Variants in ZNF596 observed in about 807,000 individuals in gnomAD.
ZNF596 encodes zinc finger protein 596.
A neutral mutation model predicts 48.3 loss-of-function variants in ZNF596; 45 were observed. That is an observed-to-expected ratio of 0.93 (90% CI 0.73 to 1.19). The LOEUF (loss-of-function observed/expected upper bound fraction) is 1.19. ZNF596 is among the 50% of genes most tolerant of loss of function. The pLI, the probability that ZNF596 is intolerant of heterozygous loss-of-function variation, is 0.00. For missense variants in ZNF596, 848 were observed against 599.7 expected, an observed-to-expected ratio of 1.41 and a Z score of -4.32; for synonymous variants, 270 against 202.0, an observed-to-expected ratio of 1.34 and a Z score of -2.85.
intron 5 of ZNF596, 146 bp downstream of exon 5, chr8:244,847 AATCAAAACC>A (rs1364948212): frequency 4.2e-6 from 3 of 721,302 alleles, no homozygotes; most frequent in Non-Finnish European, 6.9e-6. Flanking sequence ...GTTAACTTCA[AATCAAAACC>A]ATAATATGAG....
chr8:244,765 A>G, intron 5 of ZNF596, 64 bp downstream of exon 5: 1 of 1,370,078 alleles, frequency 7.3e-7, no homozygotes, highest in Non-Finnish European at 1.0e-6. Context: ...ACAACTTTGG[A>G]ATTTGGTACA....
At chr8:234,113 G>T (rs570904740) in intron 1 of ZNF596, among the ~76,000 whole-genome samples, 1 of 152,206 alleles carries the variant, frequency 6.6e-6, no homozygotes, top group Non-Finnish European at 1.5e-5. Flanking sequence ...CTTGGGATTT[G>T]GGTATTCAGG....
chr8:245,920 A>T lies in ZNF596; in HGVS notation c.1073A>T (p.Asn358Ile). ...SHLRQHERSH[N>I]GEKPHGCHLC... ...CTTAGACAACATGAGCGAAGTCACA[A>T]TGGAGAGAAACCACATGGATGTCAT... Residue 358 changes from asparagine (N) to isoleucine (I), a missense_variant, in exon 6 of 6, where the codon AAT becomes ATT. Transcript: ENST00000398612. 6.2e-7 allele frequency: 1 copy of T among 1,609,750 alleles called. No individual in the cohort carries two copies. The highest frequency in any genetic ancestry group is 8.5e-7 in the Non-Finnish European group (1 of 1,178,594).
At chr8:244,105 G>C (rs1249558035) in intron 4 of ZNF596, 2 of 220,840 alleles carry the variant, frequency 9.1e-6, no homozygotes, top group East Asian at 2.8e-4. Flanking sequence ...GGCCAGGCTG[G>C]TCTTGAACTC....
Position 244,182 on chromosome 8 carries a change from G to A in ZNF596, c.223+377G>A, listed in dbSNP as rs991996619. On this transcript the variant is annotated intron_variant, in intron 4 of 5. Transcript: ENST00000398612. ...TGGGATTACAGTCATGAACCACCAC[G>A]CCCAGCCGGAAGGTTTCTTAAATTT... is the stretch of plus-strand genomic sequence containing the variant. 170 of 208,020 alleles carry A rather than the reference G, an allele frequency of 8.2e-4. 2 individuals carry two copies. The highest frequency in any genetic ancestry group is 3.6e-3 in the African/African-American group (151 of 42,214). The allele number at this position is 208,020 out of a possible 1,614,324, so 12.9% of individuals were successfully genotyped here.
chr8:243,114 T>C (rs1286673826), intron 3 of ZNF596, 101 bp downstream of exon 3: 1 of 1,080,838 alleles, frequency 9.3e-7, no homozygotes, highest in South Asian at 2.1e-5. Flanking sequence ...TAGAACAGCT[T>C]TCTCATCTAT....
rs568204711 is a variant in ZNF596, at chr8:241,668, A to G, written c.12+761A>G. Among the ~76,000 whole-genome samples, 3 of 152,322 alleles carry G rather than the reference A, an allele frequency of 2.0e-5. No homozygotes were observed. In the South Asian group the frequency reaches 6.2e-4, roughly 32 times the overall value. On this transcript the variant is annotated intron_variant, in intron 2 of 5. Transcript: ENST00000398612. ...GAAGTGGAGAGACCAGGACAATCAA[A>G]GGATTTTTTTTCCCCTAAATCTAGA...
chr8:242,219 C>T (rs1796880144), intron 2 of ZNF596, among the ~76,000 whole-genome samples: 1 of 152,148 alleles, frequency 6.6e-6, no homozygotes, highest in Non-Finnish European at 1.5e-5. Context: ...TGCTGCTGAG[C>T]CATTCATCCT....
rs756614890 is a variant in ZNF596 at position 246,353 on chromosome 8, G to T, written c.1506G>T (p.Met502Ile). The T allele has an allele frequency of 2.5e-6, 4 of 1,579,388 alleles. No individual in the cohort carries two copies. Among genetic ancestry groups the T allele is most frequent in the Non-Finnish European group, 3.4e-6 (4 of 1,167,400 alleles). ...AGAGAACTCACACTAAAAAAGCAAT[G>T]AATATGTAAGAATCATCAGCTGTAG... ...QHERTHTKKA[M>I]NM Residue 502 changes from methionine (M) to isoleucine (I), a missense_variant, in exon 6 of 6, where the codon ATG becomes ATT. By Grantham distance (10) the Met-to-Ile change is conservative. Transcript: ENST00000398612.
At chr8:237,659 T>G (rs933227112) in intron 1 of ZNF596, 6 of 152,106 alleles carry the variant, frequency 3.9e-5, no homozygotes, top group Admixed American at 6.5e-5. Context: ...TACTCTATCA[T>G]GTTTGTGGAA....
Position 246,810 on chromosome 8 carries a change from G to C in ZNF596, c.*448G>C, listed in dbSNP as rs1159567074. On this transcript the variant is annotated 3_prime_UTR_variant, in exon 6 of 6. Transcript: ENST00000398612. ...GTGTGTGCAAGAAAATTCATTATAA[G>C]GTAACTGATAAAAACAGGAAATATG... 3 of 155,214 alleles carry C rather than the reference G, an allele frequency of 1.9e-5. No individual in the cohort carries two copies. The East Asian group carries it at 5.7e-4, about 30-fold the overall frequency. The allele number at this position is 155,214 out of a possible 1,614,324, so 9.6% of individuals were successfully genotyped here. A position where few individuals can be genotyped will look rare whatever the true frequency, so the allele number is the denominator to read the frequency against.
intron 4 of ZNF596, 66 bp from the exon 5 acceptor site, chr8:244,553 G>C: frequency 2.8e-6 from 3 of 1,071,348 alleles, no homozygotes; most frequent in Admixed American, 3.8e-5. Flanking sequence ...AATGGGCTTT[G>C]GAGCTATTTA....
In ZNF596 at chr8:245,155, G is replaced by T; in HGVS notation, c.308G>T (p.Arg103Ile). The change falls in exon 6 of 6, where the codon AGA becomes ATA. Residue 103 changes from arginine (R) to isoleucine (I), a missense_variant and splice_region_variant. By Grantham distance (97) the Arg-to-Ile change is moderately conservative. Transcript: ENST00000398612. Reference sequence around the variant, plus strand: ...CTTTCATTTCATTCCCAAAACCAGAGATCTCATACTCAAGAGGATCCTTTT... The same window carrying T: ...CTTTCATTTCATTCCCAAAACCAGATATCTCATACTCAAGAGGATCCTTTT... ...QKGTSTISTM[R>I]SHTQEDPFLC... 6.4e-7 allele frequency: 1 copy of T among 1,574,456 alleles called. No individual in the cohort carries two copies. The highest frequency in any genetic ancestry group is 8.6e-7 in the Non-Finnish European group (1 of 1,161,702).
In ZNF596 at chr8:245,295, G is replaced by C; in HGVS notation, c.448G>C (p.Asp150His). Reference sequence around the variant, plus strand: ...CAAAAAGTTTGGGAAAATCTTCAGTGACTGGTTATCCTTTAATCAACACAA... The same window carrying C: ...CAAAAAGTTTGGGAAAATCTTCAGTCACTGGTTATCCTTTAATCAACACAA... The part of the protein sequence containing the change: ...VSKKFGKIFS[D>H]WLSFNQHKEI... The change falls in exon 6 of 6, where the codon GAC (aspartate) becomes CAC (histidine). Residue 150 changes from aspartate (D) to histidine (H), a missense_variant. Coordinates refer to ENST00000398612, the MANE Select transcript of ZNF596 (RefSeq NM_001042416.3). The C allele has an allele frequency of 6.2e-7, 1 of 1,614,026 alleles. No homozygotes were observed. Among genetic ancestry groups the C allele is most frequent in the East Asian group, 2.2e-5 (1 of 44,872 alleles).
Position 246,457 on chromosome 8 carries a change from A to G in ZNF596, c.*95A>G, listed in dbSNP as rs1307282353. 3 of 1,450,560 alleles carry G rather than the reference A, an allele frequency of 2.1e-6. No individual in the cohort carries two copies. Among genetic ancestry groups the G allele is most frequent in the African/African-American group, 1.4e-5 (1 of 70,490 alleles). The allele number at this position is 1,450,560 out of a possible 1,614,324, so 89.9% of individuals were successfully genotyped here. A position where few individuals can be genotyped will look rare whatever the true frequency, so the allele number is the denominator to read the frequency against. ...AATCAGTGTGGAAAAGCCTTTATTT[A>G]TATTTACCACTTTGCTCAACCTAAA... On this transcript the variant is annotated 3_prime_UTR_variant, in exon 6 of 6. Transcript: ENST00000398612.
chr8:240,925 C>G lies in ZNF596; in HGVS notation c.12+18C>G. The G allele has an allele frequency of 1.2e-6, 2 of 1,613,986 alleles. No individual in the cohort carries two copies. Among genetic ancestry groups the G allele is most frequent in the Non-Finnish European group, 8.5e-7 (1 of 1,179,902 alleles). On this transcript the variant is annotated intron_variant, in intron 2 of 5. Transcript: ENST00000398612. ...CATCACCGGTGAGTGGGAAATTCTT[C>G]TTTCTACTGAAATTTGTACCCCTGT... is the stretch of plus-strand genomic sequence containing the variant.
chr8:241,715 A>T (rs150685088), intron 2 of ZNF596, among the ~76,000 whole-genome samples: 14 of 152,318 alleles, frequency 9.2e-5, no homozygotes, highest in African/African-American at 3.4e-4. Context: ...GAAACAAAAT[A>T]GAATAGTACC....
rs368685119 is a variant in ZNF596, at chr8:242,891, C to T, written c.17C>T (p.Ser6Phe). 6.4e-7 allele frequency: 1 copy of T among 1,553,678 alleles called. No homozygotes were observed. Among genetic ancestry groups the T allele is most frequent in the Non-Finnish European group, 8.8e-7 (1 of 1,142,240 alleles). The change falls in exon 3 of 6, where the codon TCC (serine) becomes TTC (phenylalanine). Residue 6 changes from serine (S) to phenylalanine (F), a missense_variant. Transcript: ENST00000398612. Reference sequence around the variant, plus strand: ...AGAATGTCCATAATGTTTTAGGATTCCATGACCTTCGAGGATATCATTGTA... The same window carrying T: ...AGAATGTCCATAATGTTTTAGGATTTCATGACCTTCGAGGATATCATTGTA... MPSPD[S>F]MTFEDIIVDF...
At chr8:240,928 T>A (rs758648390) in intron 2 of ZNF596, 21 bp downstream of exon 2, 15 of 1,613,890 alleles carry the variant, frequency 9.3e-6, no homozygotes, top group Non-Finnish European at 6.8e-6. Context: ...AATTCTTCTT[T>A]CTACTGAAAT....
Sources: gnomAD v4.1 joint callset for allele counts (sites outside exome capture counted in the v4.1 genomes callset) on GRCh38, gnomAD v4.1.1 for gene constraint, MANE v1.5 for transcripts, NCBI Gene and HGNC (gene_info 2026-07-23, HGNC 2026-07-21) for gene names.